Variants in ARHGAP32 observed in about 807,000 individuals in gnomAD.
ARHGAP32 encodes the protein Rho GTPase activating protein 32, also known as rho GTPase-activating protein 32.
In ARHGAP32, 51 loss-of-function variants were observed where a neutral mutation model predicts 186.5. The observed-to-expected ratio is 0.27, with a 90% CI of 0.22 to 0.35. The LOEUF (loss-of-function observed/expected upper bound fraction) is 0.35. ARHGAP32 is among the 10% of genes least tolerant of loss of function. The pLI is 1.00. For synonymous variants in ARHGAP32, 950 were observed against 964.3 expected, an observed-to-expected ratio of 0.99 and a Z score of 0.27; for missense variants, 2,186 against 2,623.5, an observed-to-expected ratio of 0.83 and a Z score of 3.64.
At chr11:129,043,403 C>A (rs1233204800) in intron 10 of ARHGAP32, among the ~76,000 whole-genome samples, 9 of 51,834 alleles carry the variant, frequency 1.7e-4, no homozygotes, top group African/African-American at 6.1e-4. Context: ...TTTTTTTTTG[C>A]GCAACGGAGG....
intron 10 of ARHGAP32, among the ~76,000 whole-genome samples, chr11:129,045,389 G>A (rs1265043014): frequency 6.6e-6 from 1 of 152,196 alleles, no homozygotes. Context: ...TCAGTTTTTT[G>A]TTTCTTGAAG....
chr11:129,252,652 C>T (rs753660318), intron 1 of ARHGAP32, among the ~76,000 whole-genome samples: 6 of 152,114 alleles, frequency 3.9e-5, no homozygotes, highest in Non-Finnish European at 5.9e-5. Flanking sequence ...AATTTTGCTA[C>T]GTGAATTTGC....
intron 1 of ARHGAP32, among the ~76,000 whole-genome samples, chr11:129,256,227 T>G (rs1472498751): frequency 1.3e-5 from 2 of 152,160 alleles, no homozygotes; most frequent in Non-Finnish European, 2.9e-5. Context: ...ATGTTCAGGC[T>G]GTGAGAAGTC....
chr11:129,073,133 C>T (rs1766531603), intron 6 of ARHGAP32, among the ~76,000 whole-genome samples: 1 of 152,196 alleles, frequency 6.6e-6, no homozygotes, highest in South Asian at 2.1e-4. Flanking sequence ...TACACACACA[C>T]CTTACCATCA....
At chr11:129,266,006 G>A (rs1945395188) in intron 1 of ARHGAP32, among the ~76,000 whole-genome samples, 1 of 151,898 alleles carries the variant, frequency 6.6e-6, no homozygotes, top group Non-Finnish European at 1.5e-5. Context: ...ACATAAAACT[G>A]AATATTTAGA....
At chr11:129,047,123 C>T (rs1443762451) in intron 10 of ARHGAP32, among the ~76,000 whole-genome samples, 2 of 132,646 alleles carry the variant, frequency 1.5e-5, no homozygotes, top group Non-Finnish European at 3.4e-5. Flanking sequence ...GTGAAAGACT[C>T]CGTCTCAAAA....
intron 1 of ARHGAP32, among the ~76,000 whole-genome samples, chr11:129,219,575 ACT>A (rs1944687593): frequency 6.6e-6 from 1 of 152,162 alleles, no homozygotes; most frequent in Non-Finnish European, 1.5e-5. Flanking sequence ...CAAAAATCAC[ACT>A]GTCTGGCAAT....
Position 128,974,862 on chromosome 11 carries a change from C to A in ARHGAP32, c.2335G>T (p.Gly779Trp), listed in dbSNP as rs769808676. The A allele has an allele frequency of 1.9e-6, 3 of 1,614,122 alleles. No individual in the cohort carries two copies. In the South Asian group the frequency reaches 3.3e-5, roughly 18 times the overall value. The change falls in exon 21 of 23, where the codon GGG (glycine) becomes TGG (tryptophan). Residue 779 changes from glycine (G) to tryptophan (W), a missense_variant. Gly to Trp is a radical substitution (Grantham distance 184). Coordinates refer to ENST00000682385, the MANE Select transcript of ARHGAP32 (RefSeq NM_001378024.1). ...PHDNESEEEG[G>W]LLHIPALMSP... The stretch of plus-strand genomic sequence containing the variant: ...ATAAGGGCTGGGATATGAAGCAGCC[C>A]TCCTTCCTCCTCACTCTCATTGTCA...
chr11:129,163,841 G>C (rs1180636950), intron 2 of ARHGAP32, among the ~76,000 whole-genome samples: 2 of 152,040 alleles, frequency 1.3e-5, no homozygotes, highest in African/African-American at 4.8e-5. Context: ...GAAACTGCAC[G>C]ATCTGCTTTC....
intron 6 of ARHGAP32, among the ~76,000 whole-genome samples, chr11:129,083,399 G>C (rs1313959536): frequency 2.0e-5 from 3 of 152,154 alleles, no homozygotes; most frequent in Admixed American, 1.3e-4. Flanking sequence ...CCATAAAATG[G>C]AACAAAATAA....
In ARHGAP32 at chr11:129,093,049, A is replaced by G. The variant is rs562043795; in HGVS notation, c.531+572T>C. Among the ~76,000 whole-genome samples, 3 of 152,172 alleles carry G rather than the reference A, an allele frequency of 2.0e-5. No individual in the cohort carries two copies. The South Asian group carries it at 6.2e-4, about 32-fold the overall frequency. On this transcript the variant is annotated intron_variant, in intron 6 of 22. Coordinates refer to ENST00000682385, the MANE Select transcript of ARHGAP32 (RefSeq NM_001378024.1). ...GGTCATTACCTTCAAAACAGTTCCA[A>G]TATTAAAAGTCAAGAAATAACAAGC...
At position 128,974,732 on chromosome 11, in the gene ARHGAP32, T is replaced by C. The variant is rs1479702461; in HGVS notation, c.2465A>G (p.Glu822Gly). Residue 822 changes from glutamate to glycine, a missense_variant, in exon 21 of 23, where the codon GAA becomes GGA. Glu to Gly is a moderately conservative substitution (Grantham distance 98). Transcript: ENST00000682385. ...MSFQCSPPKAESECLESGASF... is the reference protein window; with the variant it reads ...MSFQCSPPKAGSECLESGASF... ...AGCACCACTCTCCAGACATTCTGAT[T>C]CGGCCTTAGGAGGACTACATTGAAA... 1 of 1,614,086 alleles carries C rather than the reference T, an allele frequency of 6.2e-7. No homozygotes were observed. The highest frequency in any genetic ancestry group is 8.5e-7 in the Non-Finnish European group (1 of 1,180,052).
chr11:128,976,078 C>CATATATATATATATATAT lies in ARHGAP32; in HGVS notation c.2194+467_2194+484dup, dbSNP rs71472082. On this transcript the variant is annotated intron_variant, in intron 20 of 22. Coordinates refer to ENST00000682385, the MANE Select transcript of ARHGAP32 (RefSeq NM_001378024.1). ...GGCAACAAAGCGAGACTCTGTCTAA[C>CATATATATATATATATAT]ATATATATATATATATATATATATT... 1.8e-3 allele frequency among the ~76,000 whole-genome samples: 267 copies of CATATATATATATATATAT among 145,778 alleles called. 1 individual carries two copies. Among genetic ancestry groups the CATATATATATATATATAT allele is most frequent in the African/African-American group, 6.5e-3 (254 of 39,370 alleles).
intron 11 of ARHGAP32, chr11:129,024,113 T>C: frequency 1.0e-6 from 1 of 985,488 alleles, no homozygotes; most frequent in Non-Finnish European, 1.2e-6. Flanking sequence ...GTCCAGTCAG[T>C]GGAGCCCAGC....
intron 6 of ARHGAP32, among the ~76,000 whole-genome samples, chr11:129,073,361 A>C (rs556685665): frequency 2.6e-5 from 4 of 152,238 alleles, no homozygotes; most frequent in African/African-American, 7.2e-5. Flanking sequence ...AAAGTAGACA[A>C]TATGCAAGAA....
intron 1 of ARHGAP32, among the ~76,000 whole-genome samples, chr11:129,230,268 T>C (rs992990532): frequency 5.3e-5 from 8 of 152,116 alleles, no homozygotes; most frequent in Non-Finnish European, 7.3e-5. Context: ...CAATCCAAAT[T>C]ATTTAATAAA....
At chr11:128,989,516 T>TCA (rs56090706) in intron 12 of ARHGAP32, among the ~76,000 whole-genome samples, 13,097 of 138,864 alleles carry the variant, frequency 0.094, 604 homozygotes, top group East Asian at 0.12. Context: ...GTTTTTTATT[T>TCA]CACACACACA....
At chr11:129,209,420 C>CA (rs1273618179) in intron 1 of ARHGAP32, among the ~76,000 whole-genome samples, 3 of 145,772 alleles carry the variant, frequency 2.1e-5, no homozygotes, top group African/African-American at 5.0e-5. Context: ...ATTCTAAATA[C>CA]AAAAAAAAAG....
At chr11:129,226,158 C>T (rs149831592) in intron 1 of ARHGAP32, among the ~76,000 whole-genome samples, 68 of 152,190 alleles carry the variant, frequency 4.5e-4, no homozygotes, top group African/African-American at 1.5e-3. Flanking sequence ...AACTGTAGGA[C>T]ACCATCAAGC....
Sources: gnomAD v4.1 joint callset for allele counts (sites outside exome capture counted in the v4.1 genomes callset) on GRCh38, gnomAD v4.1.1 for gene constraint, MANE v1.5 for transcripts, NCBI Gene and HGNC (gene_info 2026-07-23, HGNC 2026-07-21) for gene names.